Variants in SEPTIN9 observed in about 807,000 individuals in gnomAD.
SEPTIN9 encodes the protein septin-9.
A neutral mutation model predicts 56.6 loss-of-function variants in SEPTIN9; 13 were observed. That is an observed-to-expected ratio of 0.23 (90% CI 0.15 to 0.37). The LOEUF is 0.37. Ranked by LOEUF, SEPTIN9 falls within the 10% of genes least tolerant of loss-of-function variation. SEPTIN9 has a pLI of 1.00. For missense variants in SEPTIN9, 650 were observed against 823.1 expected, an observed-to-expected ratio of 0.79 and a Z score of 2.57; for synonymous variants, 332 against 334.1, an observed-to-expected ratio of 0.99 and a Z score of 0.07.
intron 3 of SEPTIN9, chr17:77,454,398 G>C (rs1474516985): frequency 1.0e-6 from 1 of 985,252 alleles, no homozygotes; most frequent in Non-Finnish European, 1.2e-6. Flanking sequence ...GCAGAGCCTT[G>C]GGAAGCTTTC....
intron 3 of SEPTIN9, among the ~76,000 whole-genome samples, chr17:77,467,747 G>A (rs1016251183): frequency 1.1e-4 from 16 of 152,232 alleles, no homozygotes; most frequent in African/African-American, 3.4e-4. Context: ...CAGCGCGGCC[G>A]GCACAGAGGG....
At chr17:77,298,921 C>G (rs1408225957) in intron 1 of SEPTIN9, among the ~76,000 whole-genome samples, 1 of 152,214 alleles carries the variant, frequency 6.6e-6, no homozygotes, top group Non-Finnish European at 1.5e-5. Context: ...TCAAGTGATT[C>G]TCTCGCCTCA....
chr17:77,320,885 G>C (rs1461944180), intron 2 of SEPTIN9, among the ~76,000 whole-genome samples: 1 of 152,254 alleles, frequency 6.6e-6, no homozygotes, highest in East Asian at 1.9e-4. Context: ...GTGTGCACGT[G>C]TGTGTGCATG....
intron 2 of SEPTIN9, among the ~76,000 whole-genome samples, chr17:77,328,233 A>G (rs975953110): frequency 6.6e-6 from 1 of 152,084 alleles, no homozygotes; most frequent in Admixed American, 6.5e-5. Flanking sequence ...GCCTCTCCCC[A>G]CTTTCCTAAT....
At chr17:77,298,647 C>G (rs2143553092) in intron 1 of SEPTIN9, among the ~76,000 whole-genome samples, 1 of 152,264 alleles carries the variant, frequency 6.6e-6, no homozygotes, top group East Asian at 1.9e-4. Context: ...GAATGGGGCT[C>G]AGGATGCCCC....
In SEPTIN9 at chr17:77,401,516, C is replaced by A. The variant is rs538223908; in HGVS notation, c.77-543C>A. ...ATCCCAGCACTTTGGGAGGCCGAGG[C>A]GGGTGGATCGCTTGAGGTCAGGAGT... On this transcript the variant is annotated intron_variant, in intron 2 of 11. Coordinates refer to ENST00000427177, the MANE Select transcript of SEPTIN9 (RefSeq NM_001113491.2). Among the ~76,000 whole-genome samples the A allele has an allele frequency of 1.5e-4, 23 of 152,108 alleles. 1 individual carries two copies. The highest frequency in any genetic ancestry group is 5.1e-4 in the African/African-American group (21 of 41,482).
rs182266882 is a variant in SEPTIN9 at position 77,394,859 on chromosome 17, C to T, written c.77-7200C>T. Among the ~76,000 whole-genome samples, 1,452 of 152,324 alleles carry T rather than the reference C, an allele frequency of 9.5e-3. 24 individuals carry two copies. Among genetic ancestry groups the T allele is most frequent in the African/African-American group, 0.033 (1,381 of 41,576 alleles). Reference sequence around the variant, plus strand: ...CAGGCTGCTCCTGTTTCGACCCCGCCATGGGCCTGGAGGGGAAAGTTTGCA... The same window carrying T: ...CAGGCTGCTCCTGTTTCGACCCCGCTATGGGCCTGGAGGGGAAAGTTTGCA... On this transcript the variant is annotated intron_variant, in intron 2 of 11. Transcript: ENST00000427177.
At chr17:77,442,805 G>A (rs1379003338) in intron 3 of SEPTIN9, among the ~76,000 whole-genome samples, 3 of 151,992 alleles carry the variant, frequency 2.0e-5, no homozygotes, top group South Asian at 2.1e-4. Flanking sequence ...CCCACGAGGC[G>A]GAGGTTGCAG....
intron 2 of SEPTIN9, among the ~76,000 whole-genome samples, chr17:77,315,931 G>C (rs1481548008): frequency 2.0e-5 from 3 of 152,240 alleles, no homozygotes. Context: ...GGCTGGGGTG[G>C]CTGGGAGCTG....
At chr17:77,401,541 T>G (rs1165471042) in intron 2 of SEPTIN9, among the ~76,000 whole-genome samples, 2 of 151,234 alleles carry the variant, frequency 1.3e-5, no homozygotes, top group Non-Finnish European at 3.0e-5. Context: ...AGGTCAGGAG[T>G]CCGAGACCAG....
chr17:77,342,985 G>GTGTC (rs1431663284), intron 2 of SEPTIN9, among the ~76,000 whole-genome samples: 4 of 117,336 alleles, frequency 3.4e-5, no homozygotes, highest in Admixed American at 1.8e-4. Flanking sequence ...AAAAATCAAT[G>GTGTC]TATCTGTCTG....
chr17:77,473,373 T>C (rs1006951684), intron 3 of SEPTIN9, among the ~76,000 whole-genome samples: 7 of 151,392 alleles, frequency 4.6e-5, no homozygotes, highest in African/African-American at 1.5e-4. Flanking sequence ...ACACCAAGTT[T>C]GTTTGTTTTT....
At chr17:77,386,486 T>C (rs1184581484) in intron 2 of SEPTIN9, among the ~76,000 whole-genome samples, 5 of 152,208 alleles carry the variant, frequency 3.3e-5, no homozygotes, top group African/African-American at 9.6e-5. Context: ...TGAGCTGGGC[T>C]GAGTTGGCAG....
Position 77,354,011 on chromosome 17 carries a change from C to T in SEPTIN9, c.76+46814C>T, listed in dbSNP as rs569275247. On this transcript the variant is annotated intron_variant, in intron 2 of 11. Coordinates refer to ENST00000427177, the MANE Select transcript of SEPTIN9 (RefSeq NM_001113491.2). ...CCACAAGGGTCCCTAGAACAAGGCT[C>T]CAGCCTCGGCAGTCCCTCCCACTTC... Among the ~76,000 whole-genome samples, 10 of 152,278 alleles carry T rather than the reference C, an allele frequency of 6.6e-5. No homozygotes were observed. In the South Asian group the frequency reaches 2.1e-3, roughly 32 times the overall value.
In SEPTIN9 at chr17:77,319,896, GGAGA is replaced by G; in HGVS notation, c.76+12703_76+12706del. 1 of 1,102,120 alleles carries G rather than the reference GGAGA, an allele frequency of 9.1e-7. No homozygotes were observed. The highest frequency in any genetic ancestry group is 1.1e-6 in the Non-Finnish European group (1 of 902,232). The allele number at this position is 1,102,120 out of a possible 1,614,324, so 68.3% of individuals were successfully genotyped here. ...CGGGGCGGCGGGGGCTGGAGGAGGT[GGAGA>G]GAGGAGGCTGCCGGAAGCCGCACTC... On this transcript the variant is annotated intron_variant, in intron 2 of 11. Coordinates refer to ENST00000427177, the MANE Select transcript of SEPTIN9 (RefSeq NM_001113491.2). The surrounding 1 kb of genome is among the most constrained non-coding windows in gnomAD (Gnocchi z 5.3).
At chr17:77,304,854 G>T (rs2032198836) in intron 1 of SEPTIN9, among the ~76,000 whole-genome samples, 1 of 152,164 alleles carries the variant, frequency 6.6e-6, no homozygotes, top group Admixed American at 6.5e-5. Context: ...TTCCAGTCGG[G>T]TGTGTGAAGG....
chr17:77,422,916 G>A (rs1598350551), intron 3 of SEPTIN9, among the ~76,000 whole-genome samples: 1 of 152,162 alleles, frequency 6.6e-6, no homozygotes, highest in South Asian at 2.1e-4. Context: ...AAGCACTGCT[G>A]TAAACCCCTC....
At chr17:77,412,897 T>TAAAC (rs2036354388) in intron 3 of SEPTIN9, among the ~76,000 whole-genome samples, 1 of 152,208 alleles carries the variant, frequency 6.6e-6, no homozygotes, top group Non-Finnish European at 1.5e-5. Context: ...ACATCCTGTT[T>TAAAC]AGAGGTCTCC....
At chr17:77,348,420 T>C (rs2033956592) in intron 2 of SEPTIN9, among the ~76,000 whole-genome samples, 1 of 151,344 alleles carries the variant, frequency 6.6e-6, no homozygotes, top group Non-Finnish European at 1.5e-5. Context: ...TGCCTCAGCT[T>C]CCCTAGTATA....
Sources: allele counts gnomAD v4.1 joint callset (sites outside exome capture counted in the v4.1 genomes callset), GRCh38; gene constraint gnomAD v4.1.1; non-coding constraint Gnocchi (gnomAD v3.1); transcripts MANE v1.5; gene names NCBI Gene and HGNC (gene_info 2026-07-23, HGNC 2026-07-21).